The following USP3 variants were observed in gnomAD, a reference collection of about 807,000 sequenced individuals.
The protein encoded by USP3 is ubiquitin specific peptidase 3, also known as ubiquitin carboxyl-terminal hydrolase 3.
A neutral mutation model predicts 72.3 loss-of-function variants in USP3; 20 were observed. That is an observed-to-expected ratio of 0.28 (90% CI 0.19 to 0.40). The LOEUF (loss-of-function observed/expected upper bound fraction) is 0.40, where lower values mean the gene tolerates loss of function less well. Among genes scored for constraint, USP3 ranks in the 10% least tolerant of loss-of-function variants. The probability of loss-of-function intolerance (pLI) is 1.00; values close to 1 mark genes in which losing one functional copy is unlikely to be tolerated. For synonymous variants in USP3, 222 were observed against 225.3 expected, an observed-to-expected ratio of 0.99 and a Z score of 0.13; for missense variants, 479 against 633.9, an observed-to-expected ratio of 0.76 and a Z score of 2.62.
At chr15:63,569,490 C>T (rs758752616) in intron 8 of USP3, among the ~76,000 whole-genome samples, 6 of 152,088 alleles carry the variant, frequency 3.9e-5, no homozygotes, top group African/African-American at 9.7e-5. Flanking sequence ...TTTATGGAAC[C>T]GTTGCCTGGA....
intron 3 of USP3, among the ~76,000 whole-genome samples, chr15:63,545,588 T>A (rs555227696): frequency 6.6e-6 from 1 of 152,280 alleles, no homozygotes; most frequent in South Asian, 2.1e-4. Flanking sequence ...TGTTTTTTTT[T>A]AATGTTCAGT....
rs879796498 is a variant in USP3 at position 63,567,491 on chromosome 15, C to CGCCT, written c.762-2939_762-2936dup. Reference sequence around the variant, plus strand: ...CCTCCCGAGTAGCTGGGACTACAGGCGCCTGCAACCACGCCCGGCTAATTT... The same window carrying CGCCT: ...CCTCCCGAGTAGCTGGGACTACAGGCGCCTGCCTGCAACCACGCCCGGCTAATTT... On this transcript the variant is annotated intron_variant, in intron 8 of 14. Coordinates refer to ENST00000380324, the MANE Select transcript of USP3 (RefSeq NM_006537.4). 2.6e-5 allele frequency among the ~76,000 whole-genome samples: 4 copies of CGCCT among 152,152 alleles called. No homozygotes were observed. In the East Asian group the frequency reaches 7.7e-4, roughly 29 times the overall value.
At chr15:63,515,977 C>G (rs999667167) in intron 1 of USP3, among the ~76,000 whole-genome samples, 1 of 152,132 alleles carries the variant, frequency 6.6e-6, no homozygotes, top group Non-Finnish European at 1.5e-5. Flanking sequence ...GGTATTATTC[C>G]TTGATATCTT....
intron 11 of USP3, among the ~76,000 whole-genome samples, chr15:63,587,452 A>G (rs1214614685): frequency 3.9e-5 from 6 of 152,236 alleles, no homozygotes; most frequent in Admixed American, 2.6e-4. Flanking sequence ...GGTTCTTGGA[A>G]ACTGCAAGTT....
chr15:63,532,102 G>A (rs1490816889), intron 1 of USP3, among the ~76,000 whole-genome samples: 1 of 152,048 alleles, frequency 6.6e-6, no homozygotes, highest in African/African-American at 2.4e-5. Flanking sequence ...AATCATTAAT[G>A]TCTTGATTAT....
Position 63,523,694 on chromosome 15 carries a change from C to T in USP3, c.92-8953C>T, listed in dbSNP as rs956881584. ...GTGAGAAAATTGTGAGTAGTTCCAG[C>T]TTACAAAGGCCTGGGATCAGGCATT... On this transcript the variant is annotated intron_variant, in intron 1 of 14. Transcript: ENST00000380324. 5.3e-4 allele frequency among the ~76,000 whole-genome samples: 81 copies of T among 152,270 alleles called. 1 individual carries two copies. The highest frequency in any genetic ancestry group is 1.9e-3 in the African/African-American group (79 of 41,548).
chr15:63,516,768 T>C (rs540348025), intron 1 of USP3, among the ~76,000 whole-genome samples: 2 of 151,954 alleles, frequency 1.3e-5, no homozygotes, highest in African/African-American at 4.8e-5. Context: ...TTTCAAAATA[T>C]GGCTGGGCAT....
In USP3 at chr15:63,570,156, C is replaced by A. The variant is rs1374833467; in HGVS notation, c.762-277C>A. Among the ~76,000 whole-genome samples the A allele has an allele frequency of 1.3e-5, 2 of 152,232 alleles. No individual in the cohort carries two copies. The highest frequency in any genetic ancestry group is 2.9e-5 in the Non-Finnish European group (2 of 68,044). ...TTGGGGAAGTCACATACCACCCCGC[C>A]ACCTCCACAATTTCCTCACCTCTGA... On this transcript the variant is annotated intron_variant, in intron 8 of 14. Coordinates refer to ENST00000380324, the MANE Select transcript of USP3 (RefSeq NM_006537.4). This position sits in a 1 kb window ranked among gnomAD's most constrained non-coding sequence, Gnocchi z 4.4.
At chr15:63,521,894 G>A (rs527351958) in intron 1 of USP3, among the ~76,000 whole-genome samples, 31 of 152,304 alleles carry the variant, frequency 2.0e-4, no homozygotes, top group Admixed American at 3.9e-4. Context: ...ACTGTAGATC[G>A]TCAGAGGAAT....
In USP3 at chr15:63,559,983, A is replaced by G. The variant is rs888255556; in HGVS notation, c.647+13A>G. ...GGGATAACAATGTGTGAGTTATAAG[A>G]GTATGTCCTTTCTGGCTTTGAGTTA... On this transcript the variant is annotated intron_variant, in intron 7 of 14. Transcript: ENST00000380324. The G allele has an allele frequency of 1.9e-6, 3 of 1,604,906 alleles. No homozygotes were observed. The highest frequency in any genetic ancestry group is 1.7e-6 in the Non-Finnish European group (2 of 1,175,572).
At chr15:63,532,187 G>C (rs2066086103) in intron 1 of USP3, among the ~76,000 whole-genome samples, 2 of 152,202 alleles carry the variant, frequency 1.3e-5, no homozygotes, top group Non-Finnish European at 2.9e-5. Context: ...ACTAGGCTCA[G>C]ATTTCCTAAT....
At chr15:63,504,885 G>T in intron 1 of USP3, 55 bp downstream of exon 1, 1 of 1,421,394 alleles carries the variant, frequency 7.0e-7, no homozygotes, top group Non-Finnish European at 9.3e-7. Context: ...GGCTCTGCCG[G>T]GCCTGCCGTC....
intron 11 of USP3, among the ~76,000 whole-genome samples, chr15:63,584,814 C>T (rs2067028683): frequency 6.6e-6 from 1 of 152,156 alleles, no homozygotes; most frequent in African/African-American, 2.4e-5. Flanking sequence ...CTTTGGGTGT[C>T]ATATCAAAAT....
intron 9 of USP3, among the ~76,000 whole-genome samples, chr15:63,572,792 A>G (rs2066800736): frequency 6.6e-6 from 1 of 152,226 alleles, no homozygotes; most frequent in Admixed American, 6.5e-5. Context: ...CACGAAGGCT[A>G]ATAGACAAGT....
intron 1 of USP3, among the ~76,000 whole-genome samples, chr15:63,530,978 T>C (rs2066065921): frequency 6.6e-6 from 1 of 152,212 alleles, no homozygotes; most frequent in Non-Finnish European, 1.5e-5. Context: ...TTAGACCCAG[T>C]TGAGTAAAAA....
At chr15:63,533,784 G>A in intron 2 of USP3, 1 of 1,080,236 alleles carries the variant, frequency 9.3e-7, no homozygotes, top group South Asian at 1.4e-5. Flanking sequence ...TGTGGCTGTT[G>A]TGGTTTTGAA....
chr15:63,546,438 T>C (rs1220619914), intron 3 of USP3, among the ~76,000 whole-genome samples: 1 of 152,100 alleles, frequency 6.6e-6, no homozygotes, highest in Non-Finnish European at 1.5e-5. Context: ...GTACCACTTA[T>C]TCTGGCATAA....
In USP3 at chr15:63,591,015, TCAG is replaced by T. The variant is rs1182033241; in HGVS notation, c.*193_*195del. 3.3e-6 allele frequency: 2 copies of T among 612,356 alleles called. No individual in the cohort carries two copies. The highest frequency in any genetic ancestry group is 2.5e-6 in the Non-Finnish European group (1 of 399,826). The allele number at this position is 612,356 out of a possible 1,614,324, so 37.9% of individuals were successfully genotyped here. On this transcript the variant is annotated 3_prime_UTR_variant, in exon 15 of 15. Coordinates refer to ENST00000380324, the MANE Select transcript of USP3 (RefSeq NM_006537.4). ...TTTGTTGTTGTTCTACCAGAAAACC[TCAG>T]CAGATGTTTTGATTTGCTGCTTTAG...
intron 1 of USP3, among the ~76,000 whole-genome samples, chr15:63,531,553 G>C (rs1226369549): frequency 6.6e-6 from 1 of 152,134 alleles, no homozygotes; most frequent in Non-Finnish European, 1.5e-5. Flanking sequence ...AGGGCTTACA[G>C]TTCTCCATTC....
Sources: allele counts gnomAD v4.1 joint callset (sites outside exome capture counted in the v4.1 genomes callset), GRCh38; gene constraint gnomAD v4.1.1; non-coding constraint Gnocchi (gnomAD v3.1); transcripts MANE v1.5; gene names NCBI Gene and HGNC (gene_info 2026-07-23, HGNC 2026-07-21).